TCF7L2: variants seen among roughly 807,000 people sequenced by gnomAD.
TCF7L2 encodes the protein transcription factor 7 like 2.
A neutral mutation model predicts 77.9 loss-of-function variants in TCF7L2; 23 were observed. That is an observed-to-expected ratio of 0.30 (90% CI 0.21 to 0.42). TCF7L2 has a LOEUF of 0.42. Among genes scored for constraint, TCF7L2 ranks in the 10% least tolerant of loss-of-function variants. The pLI, the probability that TCF7L2 is intolerant of heterozygous loss-of-function variation, is 1.00. For synonymous variants in TCF7L2, 413 were observed against 340.2 expected (o/e 1.21, Z -2.36); for missense variants, 654 against 793.1 (o/e 0.82, Z 2.11).
rs905132437 is a variant in TCF7L2, at chr10:113,147,571, G to A, written c.875+1474G>A. 2.6e-5 allele frequency among the ~76,000 whole-genome samples: 4 copies of A among 152,180 alleles called. No individual in the cohort carries two copies. In the East Asian group the frequency reaches 5.8e-4, roughly 22 times the overall value. On this transcript the variant is annotated intron_variant, in intron 8 of 13. Transcript: ENST00000627217. Reference sequence around the variant, plus strand: ...GAGGAGGCGTAACACTTATTAAATAGTGTCATCACAGCCTCGCAAAGCATG... The same window carrying A: ...GAGGAGGCGTAACACTTATTAAATAATGTCATCACAGCCTCGCAAAGCATG...
At chr10:113,032,319 AAG>A (rs2050376159) in intron 4 of TCF7L2, among the ~76,000 whole-genome samples, 1 of 152,228 alleles carries the variant, frequency 6.6e-6, no homozygotes, top group Admixed American at 6.5e-5. Flanking sequence ...AGAGCTGTTA[AAG>A]GATTGGCGGG....
At chr10:112,953,880 ACTCAGTAGG>A (rs2032752537) in intron 3 of TCF7L2, among the ~76,000 whole-genome samples, 1 of 152,184 alleles carries the variant, frequency 6.6e-6, no homozygotes, top group African/African-American at 2.4e-5. Context: ...ACATTTCTGA[ACTCAGTAGG>A]CAGTTTTAGT....
At chr10:113,026,617 C>T (rs915035617) in intron 4 of TCF7L2, among the ~76,000 whole-genome samples, 1 of 152,200 alleles carries the variant, frequency 6.6e-6, no homozygotes, top group African/African-American at 2.4e-5. Context: ...TGCTACCAAG[C>T]CATTTCTTGG....
chr10:113,160,049 C>CT lies in TCF7L2; in HGVS notation c.1319-569dup, dbSNP rs895622717. 19 of 1,493,406 alleles carry CT rather than the reference C, an allele frequency of 1.3e-5. No individual in the cohort carries two copies. In the Admixed American group the frequency reaches 2.2e-4, roughly 17 times the overall value. The allele number at this position is 1,493,406 out of a possible 1,614,324, so 92.5% of individuals were successfully genotyped here. A position where few individuals can be genotyped will look rare whatever the true frequency, so the allele number is the denominator to read the frequency against. ...GTTTGCAGCTGGTCTATTCGATCCT[C>CT]TCCCCCTTCTCTGGCCTGTTGCTTT... On this transcript the variant is annotated intron_variant, in intron 12 of 13. Coordinates refer to ENST00000627217, the MANE Select transcript of TCF7L2 (RefSeq NM_001146274.2).
chr10:113,114,652 G>C (rs74157218), intron 5 of TCF7L2, among the ~76,000 whole-genome samples: 2 of 152,288 alleles, frequency 1.3e-5, no homozygotes, highest in African/African-American at 4.8e-5. Flanking sequence ...GATTTCTTTA[G>C]TGTAACCTAA....
intron 4 of TCF7L2, among the ~76,000 whole-genome samples, chr10:113,038,531 C>T (rs913184202): frequency 2.0e-5 from 3 of 152,174 alleles, no homozygotes; most frequent in Non-Finnish European, 2.9e-5. Context: ...CGAGGAACTC[C>T]GTCGGCTGGC....
chr10:112,995,127 C>G (rs1196407378), intron 4 of TCF7L2, among the ~76,000 whole-genome samples: 2 of 152,096 alleles, frequency 1.3e-5, no homozygotes, highest in Non-Finnish European at 2.9e-5. Context: ...AAAAGGCTGT[C>G]ATGTTAGATC....
intron 5 of TCF7L2, among the ~76,000 whole-genome samples, chr10:113,101,127 G>A (rs1408513824): frequency 6.6e-6 from 1 of 152,158 alleles, no homozygotes; most frequent in Non-Finnish European, 1.5e-5. Context: ...CCTTCTCAGT[G>A]TTTAATAGGA....
At chr10:113,022,584 A>AATACGCGTATCTGCAGATTTACTTTTTGG (rs1216233467) in intron 4 of TCF7L2, among the ~76,000 whole-genome samples, 17 of 152,210 alleles carry the variant, frequency 1.1e-4, no homozygotes, top group Non-Finnish European at 2.5e-4. Context: ...AGCGGTGGTT[A>AATACGCGTATCTGCAGATTTACTTTTTGG]ATACGCGTAT....
intron 3 of TCF7L2, among the ~76,000 whole-genome samples, chr10:112,964,096 G>A (rs534864243): frequency 6.6e-6 from 1 of 152,250 alleles, no homozygotes; most frequent in East Asian, 1.9e-4. Context: ...AGAAATATGG[G>A]GATGGGGTGC....
intron 5 of TCF7L2, among the ~76,000 whole-genome samples, chr10:113,062,389 A>G (rs1446127185): frequency 6.6e-6 from 1 of 152,164 alleles, no homozygotes; most frequent in African/African-American, 2.4e-5. Flanking sequence ...CATGTTCGCT[A>G]CGAGGAAATG....
chr10:113,063,466 G>A (rs1214098631), intron 5 of TCF7L2, among the ~76,000 whole-genome samples: 3 of 152,104 alleles, frequency 2.0e-5, no homozygotes, highest in Non-Finnish European at 4.4e-5. Flanking sequence ...TGAGATTGTG[G>A]TGGCCCTGGA....
chr10:113,125,381 C>CT (rs1008407511), intron 5 of TCF7L2, among the ~76,000 whole-genome samples: 101 of 151,624 alleles, frequency 6.7e-4, no homozygotes, highest in African/African-American at 2.3e-3. Flanking sequence ...TACCTCTTTT[C>CT]TTTTTTTTCC....
chr10:113,003,517 C>CT (rs2133393276), intron 4 of TCF7L2, among the ~76,000 whole-genome samples: 1 of 152,300 alleles, frequency 6.6e-6, no homozygotes, highest in East Asian at 1.9e-4. Context: ...CCTGCCCTCT[C>CT]TTATCCTGTT....
chr10:113,134,813 C>T (rs1417485981), intron 5 of TCF7L2, among the ~76,000 whole-genome samples: 1 of 152,188 alleles, frequency 6.6e-6, no homozygotes, highest in African/African-American at 2.4e-5. Flanking sequence ...TGAAGACCCC[C>T]AAAGACCTTC....
intron 5 of TCF7L2, among the ~76,000 whole-genome samples, chr10:113,107,612 G>A (rs150722339): frequency 0.011 from 1,690 of 151,780 alleles, 33 homozygotes; most frequent in African/African-American, 0.039. Context: ...GCGTGGTGGC[G>A]AGTACCTGTA....
chr10:113,036,665 CTTCTTTCTTTCT>C (rs71489996), intron 4 of TCF7L2, among the ~76,000 whole-genome samples: 1 of 150,802 alleles, frequency 6.6e-6, no homozygotes, highest in East Asian at 1.9e-4. Flanking sequence ...CCAAGATGGC[CTTCTTTCTTTCT>C]TTCTTTCTTT....
intron 4 of TCF7L2, among the ~76,000 whole-genome samples, chr10:112,971,532 A>G (rs1564729013): frequency 1.3e-5 from 2 of 148,466 alleles, no homozygotes; most frequent in African/African-American, 5.0e-5. Flanking sequence ...CTGGTCTTGA[A>G]CTCCTGACCT....
At chr10:113,107,049 A>G (rs2062420526) in intron 5 of TCF7L2, among the ~76,000 whole-genome samples, 1 of 152,180 alleles carries the variant, frequency 6.6e-6, no homozygotes, top group Admixed American at 6.5e-5. Flanking sequence ...TAGCACTCCC[A>G]TGTCCTGTAA....
Sources: allele counts gnomAD v4.1 joint callset (sites outside exome capture counted in the v4.1 genomes callset), GRCh38; gene constraint gnomAD v4.1.1; transcripts MANE v1.5; gene names NCBI Gene and HGNC (gene_info 2026-07-23, HGNC 2026-07-21).